ITGAE: variants seen among roughly 807,000 people sequenced by gnomAD.
The protein encoded by ITGAE is integrin subunit alpha E, also known as integrin alpha-E.
Under a neutral mutation model 136.5 loss-of-function variants are expected in ITGAE, and 99 were observed. The ratio of observed to expected loss-of-function variants is 0.73; its 90% confidence interval spans 0.62 to 0.86. The LOEUF is 0.86. Among genes scored for constraint, ITGAE ranks in the 40% least tolerant of loss-of-function variants. The pLI, the probability that ITGAE is intolerant of heterozygous loss-of-function variation, is 0.00. For missense variants in ITGAE, 1,447 were observed against 1,515.3 expected (o/e 0.95, Z 0.75); for synonymous variants, 613 against 591.8 (o/e 1.04, Z -0.52).
intron 2 of ITGAE, among the ~76,000 whole-genome samples, chr17:3,771,934 C>G (rs997701843): frequency 1.4e-4 from 21 of 152,152 alleles, no homozygotes; most frequent in Admixed American, 1.0e-3. Context: ...ACAAAACTCC[C>G]TGAAAACCTC....
chr17:3,753,425 C>A lies in ITGAE; in HGVS notation c.1533G>T (p.Gly511=), dbSNP rs1243828413. 6.2e-7 allele frequency: 1 copy of A among 1,613,678 alleles called. No individual in the cohort carries two copies. Among genetic ancestry groups the A allele is most frequent in the Admixed American group, 1.7e-5 (1 of 59,988 alleles). Residue 511 remains glycine, a synonymous_variant, in exon 14 of 31, where the codon GGG becomes GGT. Transcript: ENST00000263087. The part of the protein sequence containing the change: ...FLPVLEGEQM[G]SYFGSELCPV... ...GGCACAGCTCAGAGCCAAAATAGGA[C>A]CCCATCTACAGCCCGGGAGGAACTC...
intron 26 of ITGAE, chr17:3,724,745 CTG>C (rs2051165475): frequency 6.2e-7 from 1 of 1,614,082 alleles, no homozygotes; most frequent in Non-Finnish European, 8.5e-7. Flanking sequence ...GAGAGTCCTG[CTG>C]TAAAAGGAAA....
At chr17:3,800,178 T>C (rs560199996) in intron 1 of ITGAE, among the ~76,000 whole-genome samples, 1 of 152,336 alleles carries the variant, frequency 6.6e-6, no homozygotes, top group Admixed American at 6.5e-5. Flanking sequence ...AACGTGTTCC[T>C]TGCTGGTACC....
intron 1 of ITGAE, among the ~76,000 whole-genome samples, chr17:3,786,429 T>G (rs1387559071): frequency 6.6e-6 from 1 of 152,094 alleles, no homozygotes; most frequent in Non-Finnish European, 1.5e-5. Context: ...TTTTAGAGAA[T>G]AGAAAATGAG....
chr17:3,727,608 C>T (rs999679904), intron 26 of ITGAE, among the ~76,000 whole-genome samples: 1 of 152,004 alleles, frequency 6.6e-6, no homozygotes, highest in Non-Finnish European at 1.5e-5. Flanking sequence ...ACCGTGTTAG[C>T]CAGGATGGTC....
intron 1 of ITGAE, among the ~76,000 whole-genome samples, chr17:3,796,172 T>TGTGTGTGTGTTTGTGCATCC (rs1264412083): frequency 4.0e-5 from 6 of 148,936 alleles, no homozygotes; most frequent in African/African-American, 1.5e-4. Flanking sequence ...TGTGCATCCG[T>TGTGTGTGTGTTTGTGCATCC]GTGTGTGTGT....
In ITGAE at chr17:3,755,213, C is replaced by T; in HGVS notation, c.1288G>A (p.Ala430Thr). The change falls in exon 12 of 31, where the codon GCG (alanine) becomes ACG (threonine). Residue 430 changes from alanine to threonine, a missense_variant. Coordinates refer to ENST00000263087, the MANE Select transcript of ITGAE (RefSeq NM_002208.5). ...AVGAFDWSGG[A>T]LLYDTRSRRG... The stretch of plus-strand genomic sequence containing the variant: ...CGGCTGCGTGTGTCGTAGAGCAACG[C>T]CCCTCCGGACCAGTCAAAGGCCCCG... The T allele has an allele frequency of 1.3e-6, 2 of 1,576,372 alleles. No individual in the cohort carries two copies. The highest frequency in any genetic ancestry group is 1.4e-5 in the African/African-American group (1 of 74,042).
chr17:3,767,109 T>C (rs1381230690), intron 2 of ITGAE, among the ~76,000 whole-genome samples: 1 of 152,018 alleles, frequency 6.6e-6, no homozygotes, highest in Non-Finnish European at 1.5e-5. Flanking sequence ...TTTTTTTCTT[T>C]TTTTGAGATG....
intron 7 of ITGAE, 68 bp from the exon 8 acceptor site, chr17:3,759,621 G>C (rs111977175): frequency 1.9e-6 from 3 of 1,549,400 alleles, no homozygotes; most frequent in South Asian, 2.3e-5. Context: ...AATGTCTCCC[G>C]CTGGAAGCAG....
At chr17:3,779,953 A>G (rs958127523) in intron 1 of ITGAE, among the ~76,000 whole-genome samples, 6 of 152,050 alleles carry the variant, frequency 3.9e-5, no homozygotes, top group Non-Finnish European at 8.8e-5. Flanking sequence ...TTTTAAGAGT[A>G]TATCATCATC....
At chr17:3,731,586 C>T (rs2051345456) in intron 22 of ITGAE, among the ~76,000 whole-genome samples, 1 of 151,418 alleles carries the variant, frequency 6.6e-6, no homozygotes, top group African/African-American at 2.4e-5. Context: ...AAATGATCCA[C>T]CCACCTCGGT....
At chr17:3,724,550 C>T in intron 26 of ITGAE, 1 of 1,614,162 alleles carries the variant, frequency 6.2e-7, no homozygotes, top group Non-Finnish European at 8.5e-7. Context: ...CGAGCGGCCT[C>T]CACCTCCCAG....
Position 3,759,530 on chromosome 17 carries a change from A to G in ITGAE, c.738T>C (p.Tyr246=), listed in dbSNP as rs1478684324. 6.2e-7 allele frequency: 1 copy of G among 1,613,338 alleles called. No homozygotes were observed. The highest frequency in any genetic ancestry group is 8.5e-7 in the Non-Finnish European group (1 of 1,179,424). The change falls in exon 8 of 31, where the codon TAT becomes TAC. Residue 246 remains tyrosine (Y), a synonymous_variant. Coordinates refer to ENST00000263087, the MANE Select transcript of ITGAE (RefSeq NM_002208.5). The stretch of plus-strand genomic sequence containing the variant: ...CAAACTCAGTCTGGATCACTCCTCC[A>G]TACTGCACCAAGGCAAAGTTGCACT... ...CFECNFALVQ[Y]GGVIQTEFDL... is the part of the protein sequence containing the mutation.
intron 17 of ITGAE, among the ~76,000 whole-genome samples, chr17:3,746,255 T>G (rs1205360686): frequency 6.6e-6 from 1 of 151,502 alleles, no homozygotes; most frequent in African/African-American, 2.4e-5. Context: ...ACAAAGAGAA[T>G]GGAGAGGGAA....
intron 23 of ITGAE, 109 bp downstream of exon 23, chr17:3,730,995 C>T (rs1426303217): frequency 1.2e-6 from 1 of 809,044 alleles, no homozygotes; most frequent in Non-Finnish European, 2.0e-6. Context: ...ACTGGGGTTT[C>T]CTTTCTCCCT....
rs765369247 is a variant in ITGAE at position 3,755,161 on chromosome 17, G to T, written c.1340C>A (p.Ala447Glu). 1 of 1,556,292 alleles carries T rather than the reference G, an allele frequency of 6.4e-7. No homozygotes were observed. The highest frequency in any genetic ancestry group is 1.1e-5 in the South Asian group (1 of 88,078). Residue 447 changes from alanine to glutamate, a missense_variant, in exon 12 of 31, where the codon GCG (alanine) becomes GAG (glutamate). By Grantham distance (107) the Ala-to-Glu change is moderately radical (BLOSUM62 -1). This residue lies in a region of ITGAE where 1,031 missense variants were observed against 1,011.4 expected (regional missense o/e 1.02). Transcript: ENST00000263087. The part of the protein sequence containing the change: ...SRRGRFLNQT[A>E]AAAADAEAAQ... ...AGCCTCCGCGTCTGCCGCCGCCGCCGCTGTCTGGTTCAGGAAGCGGCCCCG... is the reference window on the plus strand; with the variant it reads ...AGCCTCCGCGTCTGCCGCCGCCGCCTCTGTCTGGTTCAGGAAGCGGCCCCG...
At position 3,738,600 on chromosome 17, in the gene ITGAE, A is replaced by C. The variant is rs560888111; in HGVS notation, c.2522+1205T>G. On this transcript the variant is annotated intron_variant, in intron 20 of 30. Coordinates refer to ENST00000263087, the MANE Select transcript of ITGAE (RefSeq NM_002208.5). ...AGACAGGCGGTATCTGCGCTGCCCA[A>C]CACCACCAGCCACAGGCGGCCACTG... Among the ~76,000 whole-genome samples the C allele has an allele frequency of 2.0e-5, 3 of 152,342 alleles. No homozygotes were observed. The South Asian group carries it at 6.2e-4, about 32-fold the overall frequency.
chr17:3,778,400 G>A (rs1170511887), intron 1 of ITGAE, among the ~76,000 whole-genome samples: 1 of 152,018 alleles, frequency 6.6e-6, no homozygotes, highest in Non-Finnish European at 1.5e-5. Context: ...CTGTCTCTAC[G>A]AAAAACGCAA....
At chr17:3,750,234 C>A in intron 16 of ITGAE, 118 bp downstream of exon 16, 7 of 1,417,342 alleles carry the variant, frequency 4.9e-6, no homozygotes, top group Non-Finnish European at 6.7e-6. Context: ...AGAGCCTGTG[C>A]CCACAACCAC....
Sources: allele counts gnomAD v4.1 joint callset (sites outside exome capture counted in the v4.1 genomes callset), GRCh38; gene constraint gnomAD v4.1.1; regional missense constraint gnomAD v4.1.1; transcripts MANE v1.5; gene names NCBI Gene and HGNC (gene_info 2026-07-23, HGNC 2026-07-21).